The following CCDC102B variants were observed in gnomAD, a reference collection of about 807,000 sequenced individuals.
CCDC102B encodes the protein coiled-coil domain containing 102B, also known as coiled-coil domain-containing protein 102B.
A neutral mutation model predicts 57.4 loss-of-function variants in CCDC102B; 75 were observed. The observed-to-expected ratio is 1.31, with a 90% CI of 1.08 to 1.58. The LOEUF is 1.58. CCDC102B is among the 40% of genes most tolerant of loss of function. The probability of loss-of-function intolerance (pLI) is 0.00; values close to 1 mark genes in which losing one functional copy is unlikely to be tolerated. For synonymous variants in CCDC102B, 206 were observed against 201.9 expected, an observed-to-expected ratio of 1.02 and a Z score of -0.17; for missense variants, 636 against 582.6, an observed-to-expected ratio of 1.09 and a Z score of -0.94.
At chr18:68,724,602 A>G (rs1042309564) in intron 2 of CCDC102B, among the ~76,000 whole-genome samples, 7 of 152,216 alleles carry the variant, frequency 4.6e-5, no homozygotes, top group African/African-American at 1.7e-4. Context: ...GTTCCCAACA[A>G]GTTCCTCTTC....
At chr18:69,027,909 T>C (rs576885644) in intron 7 of CCDC102B, among the ~76,000 whole-genome samples, 12 of 152,182 alleles carry the variant, frequency 7.9e-5, no homozygotes, top group East Asian at 1.9e-4. Context: ...ACAGATCCAA[T>C]TGGGGAAAAC....
intron 6 of CCDC102B, among the ~76,000 whole-genome samples, chr18:68,984,593 A>G (rs2050677452): frequency 1.3e-5 from 2 of 152,144 alleles, no homozygotes; most frequent in Admixed American, 1.3e-4. Context: ...AACTGGACCC[A>G]TGTTGCACAA....
At position 69,008,052 on chromosome 18, in the gene CCDC102B, G is replaced by A. The variant is rs536574265; in HGVS notation, c.1264-2882G>A. On this transcript the variant is annotated intron_variant, in intron 6 of 7. Transcript: ENST00000360242. The stretch of plus-strand genomic sequence containing the variant: ...TAATTGTAACTAGGTGCGTAATTCC[G>A]GAGAGAAAGCCATCAACTTGCAAAG... 6.8e-4 allele frequency among the ~76,000 whole-genome samples: 104 copies of A among 152,218 alleles called. No individual in the cohort carries two copies. The Middle Eastern group carries it at 0.017, about 25-fold the overall frequency.
At chr18:69,006,616 T>C (rs1216415417) in intron 6 of CCDC102B, among the ~76,000 whole-genome samples, 1 of 139,056 alleles carries the variant, frequency 7.2e-6, no homozygotes, top group Non-Finnish European at 1.5e-5. Flanking sequence ...TTTTTTTTGG[T>C]ATTTTTAGTA....
chr18:69,035,406 AT>A (rs1169013350), intron 7 of CCDC102B, among the ~76,000 whole-genome samples: 1 of 152,092 alleles, frequency 6.6e-6, no homozygotes, highest in Non-Finnish European at 1.5e-5. Flanking sequence ...TACCTAAGTG[AT>A]TCTTGAAAAT....
intron 2 of CCDC102B, among the ~76,000 whole-genome samples, chr18:68,783,750 C>T (rs1257753524): frequency 1.3e-5 from 2 of 152,052 alleles, no homozygotes. Flanking sequence ...GTAAATCACC[C>T]TTTCTTGATT....
intron 6 of CCDC102B, among the ~76,000 whole-genome samples, chr18:68,942,734 C>A (rs1045918248): frequency 6.6e-6 from 1 of 151,970 alleles, no homozygotes; most frequent in Non-Finnish European, 1.5e-5. Flanking sequence ...GCCCAGTCGA[C>A]AAGCAGGAGA....
chr18:68,728,828 A>G (rs2032721944), intron 2 of CCDC102B, among the ~76,000 whole-genome samples: 1 of 152,186 alleles, frequency 6.6e-6, no homozygotes, highest in South Asian at 2.1e-4. Flanking sequence ...TAAATATTGT[A>G]CTGAAAATCC....
intron 4 of CCDC102B, among the ~76,000 whole-genome samples, chr18:68,857,836 C>T (rs4891706): frequency 6.6e-6 from 1 of 152,112 alleles, no homozygotes; most frequent in Non-Finnish European, 1.5e-5. Context: ...TGCACATTAT[C>T]CTTTTTTCCA....
chr18:68,954,300 A>G (rs750734225), intron 6 of CCDC102B, among the ~76,000 whole-genome samples: 21 of 152,112 alleles, frequency 1.4e-4, no homozygotes, highest in Non-Finnish European at 3.1e-4. Context: ...CACATCTGTA[A>G]TCCCAGCTAC....
At chr18:68,946,333 A>T (rs747934504) in intron 6 of CCDC102B, among the ~76,000 whole-genome samples, 22 of 152,206 alleles carry the variant, frequency 1.4e-4, no homozygotes, top group Non-Finnish European at 2.2e-4. Context: ...CTACATATGC[A>T]TGAACACACA....
At chr18:68,917,544 G>A in intron 6 of CCDC102B, among the ~76,000 whole-genome samples, 1 of 152,118 alleles carries the variant, frequency 6.6e-6, no homozygotes, top group East Asian at 1.9e-4. Flanking sequence ...TGTTGTTTCT[G>A]TCTGTCCAAA....
chr18:68,771,795 G>A (rs1290265580), intron 2 of CCDC102B, among the ~76,000 whole-genome samples: 1 of 149,804 alleles, frequency 6.7e-6, no homozygotes, highest in East Asian at 2.0e-4. Flanking sequence ...TTAAAATCAA[G>A]GTCACTTAGA....
chr18:68,919,810 A>G (rs2041210718), intron 6 of CCDC102B, among the ~76,000 whole-genome samples: 1 of 149,248 alleles, frequency 6.7e-6, no homozygotes, highest in African/African-American at 2.5e-5. Flanking sequence ...AAGGGAGAGA[A>G]TGTCTTCAAT....
chr18:68,870,154 A>G (rs1298991487), intron 4 of CCDC102B, among the ~76,000 whole-genome samples: 1 of 152,114 alleles, frequency 6.6e-6, no homozygotes, highest in African/African-American at 2.4e-5. Flanking sequence ...ACGAGAACAC[A>G]TAGACACAGG....
chr18:68,987,589 A>C (rs548527866), intron 6 of CCDC102B, among the ~76,000 whole-genome samples: 1 of 152,310 alleles, frequency 6.6e-6, no homozygotes, highest in East Asian at 1.9e-4. Context: ...TCTGCACAGC[A>C]AAAGAAACTA....
At position 68,729,856 on chromosome 18, in the gene CCDC102B, A is replaced by G. The variant is rs117963677; in HGVS notation, c.-67+13262A>G. 9.6e-3 allele frequency among the ~76,000 whole-genome samples: 1,468 copies of G among 152,340 alleles called. 15 individuals carry two copies. Among genetic ancestry groups the G allele is most frequent in the Non-Finnish European group, 0.017 (1,165 of 68,024 alleles). On this transcript the variant is annotated intron_variant, in intron 2 of 3. Transcript: ENST00000578970. ...GACAAGCAACAGAATTGGAATTGTT[A>G]TGTGCAACTAAGTAACTACTATAAA...
chr18:68,828,353 A>C (rs2037000649), intron 1 of CCDC102B, among the ~76,000 whole-genome samples: 1 of 140,230 alleles, frequency 7.1e-6, no homozygotes, highest in African/African-American at 2.5e-5. Context: ...AAAAACCTTC[A>C]ACTAATGTAA....
chr18:68,733,954 C>T lies in CCDC102B; in HGVS notation c.-67+17360C>T, dbSNP rs186664038. On this transcript the variant is annotated intron_variant, in intron 2 of 3. Transcript: ENST00000578970. ...CTCGACTCACATGTTGGCTGCGTTT[C>T]TGCGTTTCCAGGAGAGGTCACAGAT... 7.1e-4 allele frequency among the ~76,000 whole-genome samples: 108 copies of T among 152,288 alleles called. No individual in the cohort carries two copies. The East Asian group carries it at 0.013, about 19-fold the overall frequency.
Sources: allele counts gnomAD v4.1 joint callset (sites outside exome capture counted in the v4.1 genomes callset), GRCh38; gene constraint gnomAD v4.1.1; transcripts MANE v1.5; gene names NCBI Gene and HGNC (gene_info 2026-07-23, HGNC 2026-07-21).